Variants in IPO11 observed in about 807,000 individuals in gnomAD.
The protein encoded by IPO11 is importin 11, also known as importin-11.
In IPO11, 66 loss-of-function variants were observed where a neutral mutation model predicts 143.2. The observed-to-expected ratio is 0.46, with a 90% CI of 0.38 to 0.57. The LOEUF (loss-of-function observed/expected upper bound fraction) is 0.57. Among genes scored for constraint, IPO11 ranks in the 20% least tolerant of loss-of-function variants. IPO11 has a pLI of 0.00. For missense variants in IPO11, 1,026 were observed against 1,141.0 expected, an observed-to-expected ratio of 0.90 and a Z score of 1.45; for synonymous variants, 385 against 377.8, an observed-to-expected ratio of 1.02 and a Z score of -0.22.
At chr5:62,614,832 A>G (rs1019085387) in intron 29 of IPO11, among the ~76,000 whole-genome samples, 1 of 152,142 alleles carries the variant, frequency 6.6e-6, no homozygotes, top group African/African-American at 2.4e-5. Context: ...GAATCAGGTC[A>G]CACACAGACT....
intron 27 of IPO11, among the ~76,000 whole-genome samples, chr5:62,573,759 A>G (rs780808782): frequency 2.6e-5 from 4 of 152,218 alleles, no homozygotes; most frequent in Non-Finnish European, 4.4e-5. Flanking sequence ...TATTTTTCAC[A>G]CAGTGGTCAA....
At chr5:62,456,323 A>G (rs1169263516) in intron 5 of IPO11, among the ~76,000 whole-genome samples, 2 of 152,184 alleles carry the variant, frequency 1.3e-5, no homozygotes, top group Non-Finnish European at 2.9e-5. Flanking sequence ...TTTCTGTAAA[A>G]CAGTATGCCT....
intron 27 of IPO11, chr5:62,578,808 A>C (rs1455783091): frequency 1.4e-5 from 6 of 433,902 alleles, no homozygotes; most frequent in South Asian, 1.0e-4. Flanking sequence ...AAAAAAAAAA[A>C]AAGTGGTGGG....
At chr5:62,508,627 T>A (rs1741645344) in intron 19 of IPO11, among the ~76,000 whole-genome samples, 1 of 140,026 alleles carries the variant, frequency 7.1e-6, no homozygotes, top group African/African-American at 2.6e-5. Context: ...TCCGTCTCTC[T>A]CTCTTTCTTT....
At chr5:62,515,637 G>A in intron 20 of IPO11, 136 bp downstream of exon 20, 4 of 575,830 alleles carry the variant, frequency 6.9e-6, no homozygotes, top group Non-Finnish European at 1.2e-5. Context: ...TTTTTTCCAT[G>A]TGTGATCTAA....
At chr5:62,538,044 A>T (rs563067865) in intron 24 of IPO11, among the ~76,000 whole-genome samples, 98 of 152,038 alleles carry the variant, frequency 6.4e-4, no homozygotes, top group African/African-American at 2.0e-3. Flanking sequence ...AAAATTGATT[A>T]AAAAAAAGTA....
intron 29 of IPO11, among the ~76,000 whole-genome samples, chr5:62,613,087 T>C (rs893762430): frequency 1.3e-5 from 2 of 152,200 alleles, no homozygotes; most frequent in Non-Finnish European, 2.9e-5. Flanking sequence ...TAATGTACTT[T>C]TTCTTAATTA....
At chr5:62,592,487 T>C (rs1745058596) in intron 28 of IPO11, among the ~76,000 whole-genome samples, 1 of 152,192 alleles carries the variant, frequency 6.6e-6, no homozygotes, top group Non-Finnish European at 1.5e-5. Flanking sequence ...ATCAAATTTT[T>C]TGAGACTACA....
intron 27 of IPO11, chr5:62,580,271 T>G: frequency 6.5e-7 from 1 of 1,542,034 alleles, no homozygotes; most frequent in Non-Finnish European, 8.8e-7. Flanking sequence ...ATTAATAATC[T>G]TAAACATTTG....
chr5:62,461,934 G>T (rs1397066743), intron 5 of IPO11, among the ~76,000 whole-genome samples: 4 of 152,090 alleles, frequency 2.6e-5, no homozygotes, highest in African/African-American at 9.7e-5. Flanking sequence ...CATCGTGCTG[G>T]TACTCAAAGT....
chr5:62,415,539 A>G (rs1281128847), intron 1 of IPO11, among the ~76,000 whole-genome samples: 4 of 141,102 alleles, frequency 2.8e-5, no homozygotes, highest in South Asian at 2.2e-4. Flanking sequence ...CGCGATCTCA[A>G]TTCACTGCAA....
intron 24 of IPO11, among the ~76,000 whole-genome samples, chr5:62,545,609 T>G (rs1743141601): frequency 6.6e-6 from 1 of 152,122 alleles, no homozygotes; most frequent in Admixed American, 6.5e-5. Context: ...GGTATCTAAT[T>G]AAACTAAAGA....
intron 1 of IPO11, among the ~76,000 whole-genome samples, chr5:62,415,149 C>T (rs1441811033): frequency 6.6e-6 from 1 of 152,150 alleles, no homozygotes; most frequent in African/African-American, 2.4e-5. Flanking sequence ...ATCATGGTGG[C>T]TATTAACCCA....
intron 7 of IPO11, among the ~76,000 whole-genome samples, chr5:62,472,631 G>A (rs26632): frequency 0.58 from 88,263 of 150,986 alleles, 26,040 homozygotes; most frequent in South Asian, 0.68. Context: ...AAGGTCAAGC[G>A]ATTCTCCTGC....
rs748238819 is a variant in IPO11 at position 62,537,234 on chromosome 5, C to T, written c.2195C>T (p.Ser732Phe). The T allele has an allele frequency of 1.2e-6, 2 of 1,606,506 alleles. No homozygotes were observed. Among genetic ancestry groups the T allele is most frequent in the African/African-American group, 2.7e-5 (2 of 74,836 alleles). Residue 732 changes from serine (S) to phenylalanine (F), a missense_variant, in exon 24 of 30, where the codon TCC (serine) becomes TTC (phenylalanine). Transcript: ENST00000325324. ...ACATACGCAGTAGGTCTATGCCAGTCCTTTTGTGAACTTTTAAAGGAAATT... is the reference window on the plus strand; with the variant it reads ...ACATACGCAGTAGGTCTATGCCAGTTCTTTTGTGAACTTTTAAAGGAAATT... Reference protein sequence around the residue: ...LQTYAVGLCQSFCELLKEITT... With the variant: ...LQTYAVGLCQFFCELLKEITT...
At chr5:62,541,689 A>G (rs903792566) in intron 24 of IPO11, among the ~76,000 whole-genome samples, 1 of 152,186 alleles carries the variant, frequency 6.6e-6, no homozygotes, top group East Asian at 1.9e-4. Context: ...TCAAAAAAAA[A>G]AAGAAGAAAA....
intron 16 of IPO11, among the ~76,000 whole-genome samples, chr5:62,496,160 C>T (rs936746772): frequency 2.0e-5 from 3 of 151,924 alleles, no homozygotes; most frequent in Admixed American, 6.6e-5. Context: ...TGGTGGCATG[C>T]GCCTGTAGTC....
rs750428984 is a variant in IPO11, at chr5:62,451,848, A to T, written c.431A>T (p.Gln144Leu). ...ESVKVQDDLR[Q>L]HRALLTFYHV... ...GTTAAAGTCCAGGATGATCTTCGAC[A>T]GCACAGAGCATTACTTACCTTCTAT... The change falls in exon 5 of 30, where the codon CAG becomes CTG. Residue 144 changes from glutamine to leucine, a missense_variant. Transcript: ENST00000325324. 6.2e-7 allele frequency: 1 copy of T among 1,614,074 alleles called. No homozygotes were observed. Among genetic ancestry groups the T allele is most frequent in the Non-Finnish European group, 8.5e-7 (1 of 1,179,886 alleles).
chr5:62,563,625 G>C (rs1297397465), intron 27 of IPO11, among the ~76,000 whole-genome samples: 1 of 151,968 alleles, frequency 6.6e-6, no homozygotes, highest in Non-Finnish European at 1.5e-5. Flanking sequence ...AAGATATTTT[G>C]GGGATGGGAC....
Sources: allele counts gnomAD v4.1 joint callset (sites outside exome capture counted in the v4.1 genomes callset), GRCh38; gene constraint gnomAD v4.1.1; transcripts MANE v1.5; gene names NCBI Gene and HGNC (gene_info 2026-07-23, HGNC 2026-07-21).